MYLK4: variants seen among roughly 807,000 people sequenced by gnomAD.
MYLK4 encodes the protein caMLCK like.
Under a neutral mutation model 48.1 loss-of-function variants are expected in MYLK4, and 46 were observed. The ratio of observed to expected loss-of-function variants is 0.96; its 90% CI spans 0.75 to 1.22. The LOEUF (loss-of-function observed/expected upper bound fraction) is 1.22, where lower values mean the gene tolerates loss of function less well. Ranked by LOEUF, MYLK4 falls within the 50% of genes most tolerant of loss-of-function variation. The pLI is 0.00. For missense variants in MYLK4, 451 were observed against 486.1 expected (o/e 0.93, Z 0.68); for synonymous variants, 170 against 180.8 (o/e 0.94, Z 0.48).
the MYLK4 span, among the ~76,000 whole-genome samples, chr6:2,763,414 C>T: frequency 1.7e-4 from 26 of 152,202 alleles, no homozygotes; most frequent in Non-Finnish European, 3.1e-4. Context: ...AGGCTTGGGC[C>T]GCGCAGGAGT....
chr6:2,766,214 ACC>A, the MYLK4 span: 4 of 1,469,994 alleles, frequency 2.7e-6, no homozygotes, highest in Non-Finnish European at 2.7e-6. Context: ...CGAAGCCGCC[ACC>A]GCCTTCGGGG....
At chr6:2,683,772 T>C (rs1482376620) in intron 6 of MYLK4, among the ~76,000 whole-genome samples, 4 of 152,158 alleles carry the variant, frequency 2.6e-5, no homozygotes, top group African/African-American at 7.2e-5. Context: ...ACATGTATCA[T>C]GTTCTAAAGA....
intron 2 of MYLK4, among the ~76,000 whole-genome samples, chr6:2,741,937 T>C (rs907505270): frequency 9.2e-5 from 14 of 152,164 alleles, no homozygotes; most frequent in Non-Finnish European, 1.9e-4. Context: ...ATAGGAGAAA[T>C]GTAGTCCTCT....
chr6:2,700,628 AG>A (rs1365747709), intron 2 of MYLK4, among the ~76,000 whole-genome samples: 5 of 152,154 alleles, frequency 3.3e-5, no homozygotes, highest in Non-Finnish European at 5.9e-5. Flanking sequence ...TGTGGAAATG[AG>A]GCCAAGGTAA....
intron 2 of MYLK4, among the ~76,000 whole-genome samples, chr6:2,714,978 G>C (rs556988592): frequency 2.0e-5 from 3 of 152,294 alleles, no homozygotes; most frequent in South Asian, 2.1e-4. Context: ...AATGGGTACA[G>C]AGTTGGCTGG....
the MYLK4 span, among the ~76,000 whole-genome samples, chr6:2,760,298 T>TG: frequency 6.6e-6 from 1 of 152,314 alleles, no homozygotes; most frequent in Admixed American, 6.5e-5. Flanking sequence ...GACACATGGG[T>TG]GAGGGGCAGG....
chr6:2,700,751 A>C (rs1250087053), intron 2 of MYLK4, among the ~76,000 whole-genome samples: 2 of 152,192 alleles, frequency 1.3e-5, no homozygotes, highest in Non-Finnish European at 1.5e-5. Context: ...CCTCTGCCTG[A>C]AAGCTTTCTG....
chr6:2,742,953 G>A (rs1171374689), intron 2 of MYLK4, among the ~76,000 whole-genome samples: 3 of 152,142 alleles, frequency 2.0e-5, no homozygotes, highest in African/African-American at 7.2e-5. Context: ...TTAACTGCAT[G>A]CATTGTCAAT....
the MYLK4 span, chr6:2,765,679 G>C: frequency 1.3e-6 from 2 of 1,551,166 alleles, no homozygotes; most frequent in East Asian, 2.6e-5. Flanking sequence ...ACCAGGTGCA[G>C]TGCCCCGTGT....
the MYLK4 span, chr6:2,768,892 C>T: frequency 3.1e-6 from 5 of 1,599,192 alleles, no homozygotes; most frequent in Admixed American, 3.4e-5. Flanking sequence ...GGTATATTAA[C>T]TTCCTTCTAC....
the MYLK4 span, among the ~76,000 whole-genome samples, chr6:2,764,340 G>A: frequency 1.3e-5 from 2 of 151,942 alleles, no homozygotes; most frequent in Non-Finnish European, 2.9e-5. Flanking sequence ...GGTCCCGGGC[G>A]CCCAGGAGTT....
At chr6:2,762,389 A>G in the MYLK4 span, among the ~76,000 whole-genome samples, 1,849 of 152,286 alleles carry the variant, frequency 0.012, 29 homozygotes, top group South Asian at 0.061. Flanking sequence ...AGACTTGTAG[A>G]TTTTCCACAG....
At chr6:2,711,825 T>C (rs1177042128) in intron 2 of MYLK4, among the ~76,000 whole-genome samples, 1 of 152,094 alleles carries the variant, frequency 6.6e-6, no homozygotes, top group Non-Finnish European at 1.5e-5. Flanking sequence ...TTAAGGTATA[T>C]AACTTTAAAG....
intron 3 of MYLK4, 74 bp from the exon 4 acceptor site, chr6:2,689,030 A>C: frequency 4.4e-6 from 5 of 1,133,736 alleles, no homozygotes; most frequent in South Asian, 2.5e-5. Flanking sequence ...CCTGGGCCTC[A>C]TAGTAAAAAT....
Position 2,750,748 on chromosome 6 carries a change from C to A in MYLK4, c.-125G>T, listed in dbSNP as rs1390207722. On this transcript the variant is annotated 5_prime_UTR_variant, in exon 1 of 13. The change abolishes the stop of an existing upstream ORF in the 5' untranslated region. Transcript: ENST00000274643. ...CAAAGATAATTACCATTGATAGGAT[C>A]ACATCGAAGAGCTTGAGCCACTCCA... 1 of 152,254 alleles carries A rather than the reference C, an allele frequency of 6.6e-6. No individual in the cohort carries two copies. The highest frequency in any genetic ancestry group is 1.5e-5 in the Non-Finnish European group (1 of 68,040). The allele number at this position is 152,254 out of a possible 1,614,324, so 9.4% of individuals were successfully genotyped here.
At chr6:2,680,498 C>T (rs2038760) in intron 7 of MYLK4, 163,266 of 985,300 alleles carry the variant, frequency 0.17, 13,949 homozygotes, top group South Asian at 0.21. Flanking sequence ...ATTATCCAGC[C>T]TGTCCTCTGC....
chr6:2,753,336 G>C (rs141694251), upstream of MYLK4, among the ~76,000 whole-genome samples: 1 of 152,098 alleles, frequency 6.6e-6, no homozygotes. Flanking sequence ...TCTACACAGC[G>C]TTCTGAATGT....
intron 2 of MYLK4, among the ~76,000 whole-genome samples, chr6:2,721,626 T>C (rs1051592143): frequency 6.6e-6 from 1 of 152,230 alleles, no homozygotes; most frequent in African/African-American, 2.4e-5. Flanking sequence ...GACTGCCTCA[T>C]ATGTAAGTTC....
chr6:2,766,258 G>T, the MYLK4 span: 3 of 1,528,754 alleles, frequency 2.0e-6, no homozygotes, highest in Non-Finnish European at 1.8e-6. Flanking sequence ...ACCCCCGGGC[G>T]CTGGCTGCCG....
Sources: allele counts gnomAD v4.1 joint callset (sites outside exome capture counted in the v4.1 genomes callset), GRCh38; gene constraint gnomAD v4.1.1; transcripts MANE v1.5; gene names NCBI Gene and HGNC (gene_info 2026-07-23, HGNC 2026-07-21).